The following CADM2 variants were observed in gnomAD, a reference collection of about 807,000 sequenced individuals.
CADM2 encodes the protein cell adhesion molecule 2.
CADM2 carries 12 observed loss-of-function variants against 49.8 expected under a neutral mutation model. The ratio of observed to expected loss-of-function variants is 0.24; its 90% CI spans 0.15 to 0.39. The LOEUF is 0.39. CADM2 is among the 10% of genes least tolerant of loss of function. The probability of loss-of-function intolerance (pLI) is 1.00; values close to 1 mark genes in which losing one functional copy is unlikely to be tolerated. For missense variants in CADM2, 378 were observed against 492.3 expected (o/e 0.77, Z 2.20); for synonymous variants, 214 against 175.4 (o/e 1.22, Z -1.74).
At chr3:85,369,916 A>G (rs1202048204) in intron 1 of CADM2, among the ~76,000 whole-genome samples, 1 of 152,070 alleles carries the variant, frequency 6.6e-6, no homozygotes, top group Non-Finnish European at 1.5e-5. Context: ...TTTTAAATGA[A>G]CCCAAATATG....
At chr3:85,510,638 A>G (rs934052202) in intron 1 of CADM2, among the ~76,000 whole-genome samples, 3 of 152,030 alleles carry the variant, frequency 2.0e-5, no homozygotes, top group Non-Finnish European at 4.4e-5. Flanking sequence ...CAATATACCT[A>G]TGTATTCAAT....
intron 1 of CADM2, among the ~76,000 whole-genome samples, chr3:85,625,989 G>A (rs1661904979): frequency 1.3e-5 from 2 of 151,902 alleles, no homozygotes; most frequent in Admixed American, 6.6e-5. Context: ...AATTATGTAA[G>A]TATTTTAAAA....
chr3:85,981,478 T>C (rs922267607), intron 8 of CADM2, among the ~76,000 whole-genome samples: 2 of 151,488 alleles, frequency 1.3e-5, no homozygotes, highest in African/African-American at 4.8e-5. Flanking sequence ...TAGTATGTGA[T>C]AGGTAGTTTT....
At chr3:85,352,425 G>A (rs183470298) in intron 1 of CADM2, among the ~76,000 whole-genome samples, 20 of 152,068 alleles carry the variant, frequency 1.3e-4, no homozygotes, top group African/African-American at 4.1e-4. Flanking sequence ...TTCTGTTATC[G>A]GTGAAAAAAA....
intron 1 of CADM2, among the ~76,000 whole-genome samples, chr3:85,111,512 A>C (rs1273523054): frequency 2.0e-5 from 3 of 151,866 alleles, no homozygotes; most frequent in African/African-American, 4.8e-5. Context: ...TAAACGAGGC[A>C]CAGAAAGACA....
chr3:85,834,751 A>C (rs1344351173), intron 3 of CADM2, among the ~76,000 whole-genome samples: 1 of 151,294 alleles, frequency 6.6e-6, no homozygotes, highest in Admixed American at 6.6e-5. Flanking sequence ...AAAAAAAAAA[A>C]ACACGTTGGC....
At chr3:85,901,930 TATC>T (rs565698354) in intron 5 of CADM2, among the ~76,000 whole-genome samples, 1 of 152,346 alleles carries the variant, frequency 6.6e-6, no homozygotes, top group South Asian at 2.1e-4. Flanking sequence ...CATAAGCTAA[TATC>T]ATCTGTGTTG....
chr3:85,348,232 G>A (rs998889887), intron 1 of CADM2, among the ~76,000 whole-genome samples: 4 of 152,162 alleles, frequency 2.6e-5, no homozygotes, highest in African/African-American at 9.7e-5. Flanking sequence ...CAGGTGGGAA[G>A]AATTCTCTCT....
chr3:85,635,885 T>C (rs2064457318), intron 1 of CADM2, among the ~76,000 whole-genome samples: 2 of 152,126 alleles, frequency 1.3e-5, no homozygotes, highest in African/African-American at 4.8e-5. Context: ...GATAAAAAAG[T>C]CCTATTGCTC....
At chr3:85,409,167 A>G (rs2035542220) in intron 1 of CADM2, among the ~76,000 whole-genome samples, 1 of 152,096 alleles carries the variant, frequency 6.6e-6, no homozygotes, top group Non-Finnish European at 1.5e-5. Flanking sequence ...TTTTCAACTC[A>G]TTTCCATTTT....
chr3:85,570,317 G>A (rs1276494364), intron 1 of CADM2, among the ~76,000 whole-genome samples: 1 of 151,932 alleles, frequency 6.6e-6, no homozygotes, highest in East Asian at 1.9e-4. Flanking sequence ...CAAAACAGAG[G>A]CTACCAAGAA....
chr3:85,669,242 G>T (rs1037297468), intron 1 of CADM2, among the ~76,000 whole-genome samples: 1 of 152,014 alleles, frequency 6.6e-6, no homozygotes, highest in Non-Finnish European at 1.5e-5. Context: ...TTACTTAGAT[G>T]GTTCTGCAGC....
chr3:85,258,172 T>A (rs548544281), intron 1 of CADM2, among the ~76,000 whole-genome samples: 2 of 152,208 alleles, frequency 1.3e-5, no homozygotes, highest in South Asian at 4.1e-4. Context: ...GCAGCACTGA[T>A]TATCTCAGAT....
At chr3:85,950,884 CTT>C (rs1723351143) in intron 7 of CADM2, among the ~76,000 whole-genome samples, 1 of 151,044 alleles carries the variant, frequency 6.6e-6, no homozygotes, top group Non-Finnish European at 1.5e-5. Flanking sequence ...AGTAGATAAA[CTT>C]AGAATCAGCG....
chr3:85,829,207 G>A (rs1398902551), intron 3 of CADM2, among the ~76,000 whole-genome samples: 2 of 151,872 alleles, frequency 1.3e-5, no homozygotes, highest in Non-Finnish European at 2.9e-5. Flanking sequence ...TTTAATAGTA[G>A]CCATTCAAGA....
intron 1 of CADM2, among the ~76,000 whole-genome samples, chr3:85,292,172 A>G (rs1357826866): frequency 8.0e-4 from 120 of 149,110 alleles, no homozygotes; most frequent in Non-Finnish European, 1.5e-3. Context: ...TAAACCAACA[A>G]AGATCAAAAG....
At chr3:85,168,756 CA>C (rs1247858094) in intron 1 of CADM2, among the ~76,000 whole-genome samples, 3 of 152,098 alleles carry the variant, frequency 2.0e-5, no homozygotes, top group Non-Finnish European at 4.4e-5. Flanking sequence ...ATTTCCAATG[CA>C]ACCTGGATTT....
chr3:86,065,440 T>C, intron 8 of CADM2, among the ~76,000 whole-genome samples, 165 bp from the exon 9 acceptor site: 1 of 152,236 alleles, frequency 6.6e-6, no homozygotes, highest in East Asian at 1.9e-4. Flanking sequence ...TATCCCCAGA[T>C]ACCTTGTATA....
chr3:85,329,357 A>G (rs1382975064), intron 1 of CADM2, among the ~76,000 whole-genome samples: 1 of 150,954 alleles, frequency 6.6e-6, no homozygotes, highest in Non-Finnish European at 1.5e-5. Flanking sequence ...CAACATGGTA[A>G]AACCCAGGCT....
Sources: allele counts gnomAD v4.1 joint callset (sites outside exome capture counted in the v4.1 genomes callset), GRCh38; gene constraint gnomAD v4.1.1; transcripts MANE v1.5; gene names NCBI Gene and HGNC (gene_info 2026-07-23, HGNC 2026-07-21).